HADH: variants seen among roughly 807,000 people sequenced by gnomAD.
HADH encodes hydroxyacyl-CoA dehydrogenase.
Under a neutral mutation model 32.2 loss-of-function variants are expected in HADH, and 24 were observed. That is an observed-to-expected ratio of 0.75 (90% CI 0.54 to 1.05). The LOEUF is 1.05. Ranked by LOEUF, HADH falls within the 50% of genes least tolerant of loss-of-function variation. The pLI is 0.00. For missense variants in HADH, 350 were observed against 397.1 expected (o/e 0.88, Z 1.01); for synonymous variants, 139 against 152.5 (o/e 0.91, Z 0.65).
intron 1 of HADH, among the ~76,000 whole-genome samples, chr4:107,990,931 A>G (rs1734772213): frequency 6.6e-6 from 1 of 152,018 alleles, no homozygotes; most frequent in Non-Finnish European, 1.5e-5. Flanking sequence ...TAGTAGAGAC[A>G]GGGTTTCACC....
chr4:107,992,584 G>C (rs1051967627), intron 1 of HADH, among the ~76,000 whole-genome samples: 1 of 152,132 alleles, frequency 6.6e-6, no homozygotes, highest in Non-Finnish European at 1.5e-5. Flanking sequence ...TAAGAAGTTG[G>C]ATGGTCTGCA....
chr4:108,018,719 A>G (rs1237296769), intron 3 of HADH, among the ~76,000 whole-genome samples: 3 of 152,082 alleles, frequency 2.0e-5, no homozygotes, highest in Non-Finnish European at 2.9e-5. Flanking sequence ...GCCCTGTTAC[A>G]GTCCATCTTG....
intron 3 of HADH, among the ~76,000 whole-genome samples, chr4:108,017,554 T>A (rs543054684): frequency 5.3e-5 from 8 of 149,670 alleles, no homozygotes; most frequent in African/African-American, 2.0e-4. Flanking sequence ...CATGTAAGAG[T>A]ACTTTTTTTT....
intron 3 of HADH, among the ~76,000 whole-genome samples, chr4:108,018,544 G>A (rs4446408): frequency 0.87 from 131,873 of 152,136 alleles, 58,035 homozygotes; most frequent in East Asian, 0.97. Flanking sequence ...TACCCACACT[G>A]GTCTCGCCTT....
chr4:108,024,942 T>G (rs571154567), intron 5 of HADH: 1 of 152,346 alleles, frequency 6.6e-6, no homozygotes, highest in East Asian at 1.9e-4. Context: ...TGTGTGGTAT[T>G]CTAAGGGCTT....
At chr4:108,009,954 G>T in intron 2 of HADH, 67 bp downstream of exon 2, 1 of 1,097,248 alleles carries the variant, frequency 9.1e-7, no homozygotes. Flanking sequence ...AGGGCAATGG[G>T]GGATTTCTGG....
At chr4:108,015,584 C>A (rs922190497) in intron 3 of HADH, among the ~76,000 whole-genome samples, 1 of 152,180 alleles carries the variant, frequency 6.6e-6, no homozygotes, top group Non-Finnish European at 1.5e-5. Flanking sequence ...TACCCCACAG[C>A]TATTTCAAGA....
chr4:108,025,927 G>A (rs1736052907), intron 5 of HADH: 1 of 152,136 alleles, frequency 6.6e-6, no homozygotes, highest in Non-Finnish European at 1.5e-5. Flanking sequence ...TATACTGATA[G>A]CATCTGTCTC....
At chr4:107,995,002 C>G (rs1233564683) in intron 1 of HADH, among the ~76,000 whole-genome samples, 2 of 152,130 alleles carry the variant, frequency 1.3e-5, no homozygotes, top group African/African-American at 4.8e-5. Flanking sequence ...GTTCTGCCTC[C>G]AGCTTTAATC....
intron 6 of HADH, chr4:108,031,831 TA>T (rs1408107751): frequency 6.6e-6 from 1 of 152,572 alleles, no homozygotes; most frequent in Non-Finnish European, 1.5e-5. Context: ...GCCTGCTACA[TA>T]ATGAATAGAA....
At chr4:108,014,983 G>C (rs1180907150) in intron 3 of HADH, among the ~76,000 whole-genome samples, 2 of 152,148 alleles carry the variant, frequency 1.3e-5, no homozygotes, top group Non-Finnish European at 2.9e-5. Flanking sequence ...TTTTATAGCT[G>C]AGTAGTATTC....
intron 2 of HADH, among the ~76,000 whole-genome samples, chr4:108,014,148 A>C (rs1411679969): frequency 2.6e-5 from 4 of 152,322 alleles, no homozygotes; most frequent in African/African-American, 9.6e-5. Context: ...TTATTTGATA[A>C]ATGCTAAGTC....
Position 108,000,012 on chromosome 4 carries a change from T to C in HADH, c.133-9747T>C, listed in dbSNP as rs74758811. On this transcript the variant is annotated intron_variant, in intron 1 of 7. Coordinates refer to ENST00000309522, the MANE Select transcript of HADH (RefSeq NM_005327.7). ...ATACATTGTACTGCCTGTATGTTTG[T>C]GAAATTTGTATTTACTGGAAATTCT... Among the ~76,000 whole-genome samples the C allele has an allele frequency of 8.4e-4, 128 of 152,362 alleles. 3 individuals carry two copies. The East Asian group carries it at 0.015, about 18-fold the overall frequency.
chr4:108,002,398 C>G (rs1735144693), intron 1 of HADH, among the ~76,000 whole-genome samples: 1 of 152,088 alleles, frequency 6.6e-6, no homozygotes, highest in South Asian at 2.1e-4. Context: ...GAATCTAATG[C>G]CTGATGATCT....
chr4:108,028,749 C>CTT (rs34805128), intron 6 of HADH: 10 of 372,946 alleles, frequency 2.7e-5, no homozygotes, highest in East Asian at 7.6e-5. Flanking sequence ...AGTTGTATGT[C>CTT]TTTTTTTTTT....
intron 2 of HADH, 136 bp from the exon 3 acceptor site, chr4:108,014,295 C>T (rs1020966865): frequency 1.1e-6 from 1 of 882,302 alleles, no homozygotes; most frequent in Non-Finnish European, 1.9e-6. Flanking sequence ...GCTTCGTGGA[C>T]ACTTTGAGAA....
intron 1 of HADH, among the ~76,000 whole-genome samples, chr4:108,000,955 A>G (rs1413302359): frequency 2.0e-5 from 3 of 152,236 alleles, no homozygotes; most frequent in African/African-American, 4.8e-5. Context: ...AATTTCTGCC[A>G]TTAAGGGATT....
Position 108,014,533 on chromosome 4 carries a change from G to C in HADH, c.364G>C (p.Glu122Gln), listed in dbSNP as rs138833043. Reference protein sequence around the residue: ...STDLVVEAIVENLKVKNELFK... With the variant: ...STDLVVEAIVQNLKVKNELFK... ...AGACTTGGTGGTGGAAGCCATCGTGGAGAATCTGAAGGTGAAAAACGAGCT... is the reference window on the plus strand; with the variant it reads ...AGACTTGGTGGTGGAAGCCATCGTGCAGAATCTGAAGGTGAAAAACGAGCT... Residue 122 changes from glutamate (E) to glutamine (Q), a missense_variant, in exon 3 of 8, where the codon GAG (glutamate) becomes CAG (glutamine). Transcript: ENST00000309522. The C allele has an allele frequency of 1.9e-6, 3 of 1,614,112 alleles. No homozygotes were observed. The Middle Eastern group carries it at 4.9e-4, about 266-fold the overall frequency.
chr4:108,023,826 C>T (rs775146262), intron 5 of HADH: 22 of 446,532 alleles, frequency 4.9e-5, no homozygotes, highest in Non-Finnish European at 7.5e-5. Flanking sequence ...GTAGAAGACA[C>T]GGGACTGCTC....
Sources: allele counts gnomAD v4.1 joint callset (sites outside exome capture counted in the v4.1 genomes callset), GRCh38; gene constraint gnomAD v4.1.1; transcripts MANE v1.5; gene names NCBI Gene and HGNC (gene_info 2026-07-23, HGNC 2026-07-21).